CCSER1: variants seen among roughly 807,000 people sequenced by gnomAD.
CCSER1 encodes the protein serine-rich coiled-coil domain-containing protein 1.
Under a neutral mutation model 82.0 loss-of-function variants are expected in CCSER1, and 41 were observed. That is an observed-to-expected ratio of 0.50 (90% confidence interval 0.39 to 0.65). The LOEUF (loss-of-function observed/expected upper bound fraction) is 0.65. Among genes scored for constraint, CCSER1 ranks in the 30% least tolerant of loss-of-function variants. CCSER1 has a pLI of 0.00. For synonymous variants in CCSER1, 414 were observed against 383.9 expected (o/e 1.08, Z -0.92); for missense variants, 1,119 against 1,064.2 (o/e 1.05, Z -0.72).
rs115368272 is a variant in CCSER1, at chr4:90,443,171, T to C, written c.1604-25063T>C. ...AGAGAAGATTAGTTCTTTCCATGGA[T>C]CTTAGGAACCTCAGCATATGATTTT... On this transcript the variant is annotated intron_variant, in intron 4 of 10. Transcript: ENST00000509176. 7.3e-3 allele frequency among the ~76,000 whole-genome samples: 1,107 copies of C among 152,222 alleles called. 10 individuals are homozygous for C. Among genetic ancestry groups the C allele is most frequent in the African/African-American group, 0.025 (1,042 of 41,536 alleles).
chr4:91,061,782 G>T (rs183151658), intron 9 of CCSER1, among the ~76,000 whole-genome samples: 2 of 151,650 alleles, frequency 1.3e-5, no homozygotes, highest in South Asian at 2.1e-4. Context: ...TTCACCTGTG[G>T]TAGGGTAGAG....
intron 3 of CCSER1, chr4:90,325,563 C>T (rs1296942513): frequency 2.8e-6 from 1 of 360,802 alleles, no homozygotes; most frequent in African/African-American, 2.1e-5. Flanking sequence ...GGGACAGCTT[C>T]CATAGCATAA....
chr4:90,928,670 G>A (rs1475738079), intron 9 of CCSER1, among the ~76,000 whole-genome samples: 3 of 152,032 alleles, frequency 2.0e-5, no homozygotes, highest in African/African-American at 7.2e-5. Flanking sequence ...GGGTGATCTA[G>A]GGAGGTCTGA....
At chr4:90,666,796 G>A (rs1397591138) in intron 6 of CCSER1, among the ~76,000 whole-genome samples, 1 of 152,066 alleles carries the variant, frequency 6.6e-6, no homozygotes, top group East Asian at 1.9e-4. Flanking sequence ...TTTTCCAAGA[G>A]TAAAGTAGAA....
chr4:91,397,106 G>C (rs983829965), intron 10 of CCSER1, among the ~76,000 whole-genome samples: 16 of 151,978 alleles, frequency 1.1e-4, no homozygotes, highest in Non-Finnish European at 1.9e-4. Context: ...ATTTCAAATT[G>C]CTAAATATTT....
At chr4:90,307,004 A>G (rs1734396637) in intron 1 of CCSER1, among the ~76,000 whole-genome samples, 1 of 152,216 alleles carries the variant, frequency 6.6e-6, no homozygotes. Context: ...TAGTGAATGC[A>G]GTATGTATCA....
At chr4:90,743,784 G>T (rs1204248636) in intron 7 of CCSER1, among the ~76,000 whole-genome samples, 1 of 152,120 alleles carries the variant, frequency 6.6e-6, no homozygotes, top group African/African-American at 2.4e-5. Flanking sequence ...GTGGAAAAAT[G>T]GAGCCATGTC....
rs1740110293 is a variant in CCSER1 at position 91,022,721 on chromosome 4, A to T, written c.2173-63229A>T. 2.0e-5 allele frequency among the ~76,000 whole-genome samples: 3 copies of T among 152,168 alleles called. No homozygotes were observed. In the South Asian group the frequency reaches 6.2e-4, roughly 31 times the overall value. On this transcript the variant is annotated intron_variant, in intron 9 of 10. Coordinates refer to ENST00000509176, the MANE Select transcript of CCSER1 (RefSeq NM_001145065.2). The stretch of plus-strand genomic sequence containing the variant: ...GCCATTCTAACTGGTGTGAAATGAT[A>T]TCTCATTATGGTTTTGATTTGCATT...
chr4:90,251,248 C>G (rs1197791348), intron 1 of CCSER1, among the ~76,000 whole-genome samples: 2 of 151,742 alleles, frequency 1.3e-5, no homozygotes, highest in Non-Finnish European at 2.9e-5. Context: ...CTTGTGCTGG[C>G]TAGAATGTTC....
At chr4:90,717,726 TTATA>T (rs10536500) in intron 6 of CCSER1, among the ~76,000 whole-genome samples, 1 of 147,384 alleles carries the variant, frequency 6.8e-6, no homozygotes, top group East Asian at 2.0e-4. Context: ...GTATGTGTGT[TTATA>T]TATATATATA....
chr4:90,253,513 C>A (rs1197060203), intron 1 of CCSER1, among the ~76,000 whole-genome samples: 1 of 152,138 alleles, frequency 6.6e-6, no homozygotes, highest in Admixed American at 6.6e-5. Context: ...TGTGATCCCA[C>A]TGCCTTATAT....
At chr4:90,430,296 T>A (rs1263561754) in intron 4 of CCSER1, among the ~76,000 whole-genome samples, 1 of 151,920 alleles carries the variant, frequency 6.6e-6, no homozygotes, top group East Asian at 1.9e-4. Flanking sequence ...AGGAATAACA[T>A]CTTTCCAACT....
intron 5 of CCSER1, among the ~76,000 whole-genome samples, chr4:90,505,663 C>T (rs1770580790): frequency 6.6e-6 from 1 of 152,142 alleles, no homozygotes; most frequent in Admixed American, 6.5e-5. Flanking sequence ...ATCTTTCTTT[C>T]AGACCATACA....
chr4:91,174,320 C>A (rs1733078303), intron 10 of CCSER1, among the ~76,000 whole-genome samples: 1 of 151,994 alleles, frequency 6.6e-6, no homozygotes, highest in African/African-American at 2.4e-5. Flanking sequence ...ATATACTGTA[C>A]ATTTTTAACA....
intron 5 of CCSER1, among the ~76,000 whole-genome samples, chr4:90,593,020 A>C (rs1579347856): frequency 6.6e-6 from 1 of 152,290 alleles, no homozygotes; most frequent in Non-Finnish European, 1.5e-5. Context: ...TAGCTATAAT[A>C]TATACTGTAG....
chr4:91,343,500 T>C (rs541567499), intron 10 of CCSER1, among the ~76,000 whole-genome samples: 3 of 152,250 alleles, frequency 2.0e-5, no homozygotes, highest in African/African-American at 7.2e-5. Flanking sequence ...TAAAAGTAAA[T>C]CTTTCTTGCA....
chr4:91,552,493 A>T (rs1010638172), intron 10 of CCSER1, among the ~76,000 whole-genome samples: 8 of 151,694 alleles, frequency 5.3e-5, no homozygotes, highest in African/African-American at 1.9e-4. Flanking sequence ...GATGTGATAA[A>T]GAATGAGAGG....
chr4:91,168,839 A>G (rs1732450132), intron 10 of CCSER1, among the ~76,000 whole-genome samples: 2 of 152,206 alleles, frequency 1.3e-5, no homozygotes, highest in Admixed American at 1.3e-4. Flanking sequence ...AGGAGACTCC[A>G]TTTTGTTCTG....
At chr4:90,915,183 G>A (rs1183878065) in intron 8 of CCSER1, among the ~76,000 whole-genome samples, 1 of 152,148 alleles carries the variant, frequency 6.6e-6, no homozygotes, top group Non-Finnish European at 1.5e-5. Context: ...GCATCATCCT[G>A]ATACCAAAGC....
Sources: allele counts gnomAD v4.1 joint callset (sites outside exome capture counted in the v4.1 genomes callset), GRCh38; gene constraint gnomAD v4.1.1; transcripts MANE v1.5; gene names NCBI Gene and HGNC (gene_info 2026-07-23, HGNC 2026-07-21).